The following BICD1 variants were observed in gnomAD, a reference collection of about 807,000 sequenced individuals.
BICD1 encodes the protein BICD cargo adaptor 1, also known as protein bicaudal D homolog 1.
In BICD1, 35 loss-of-function variants were observed where a neutral mutation model predicts 92.5. The ratio of observed to expected loss-of-function variants is 0.38; its 90% confidence interval spans 0.29 to 0.50. The LOEUF is 0.50. BICD1 is among the 20% of genes least tolerant of loss of function. The pLI is 0.93. For missense variants in BICD1, 950 were observed against 1,189.8 expected (o/e 0.80, Z 2.97); for synonymous variants, 429 against 465.1 (o/e 0.92, Z 1.00).
chr12:32,142,563 C>T (rs778193994), intron 1 of BICD1, among the ~76,000 whole-genome samples: 13 of 149,738 alleles, frequency 8.7e-5, no homozygotes, highest in Non-Finnish European at 1.8e-4. Context: ...TTATTTATAG[C>T]ATGATTGTTT....
At chr12:32,340,417 T>C in intron 8 of BICD1, 1 of 985,460 alleles carries the variant, frequency 1.0e-6, no homozygotes, top group East Asian at 1.1e-4. Flanking sequence ...AAAGTGGTAA[T>C]GATTTATCAG....
chr12:32,327,469 G>A lies in BICD1; in HGVS notation c.1014G>A (p.Arg338=). The change falls in exon 5 of 10, where the codon CGG becomes CGA. Residue 338 remains arginine, a synonymous_variant. Transcript: ENST00000652176. The stretch of plus-strand genomic sequence containing the variant: ...TTCTTTTGCCATTGCAGGTAGAGCG[G>A]GAAAAGGCCATTCTTTTGGCCAACC... ...KLKQQLMQVE[R]EKAILLANLQ... 4 of 1,598,796 alleles carry A rather than the reference G, an allele frequency of 2.5e-6. No individual in the cohort carries two copies. The highest frequency in any genetic ancestry group is 3.4e-6 in the Non-Finnish European group (4 of 1,170,476).
chr12:32,201,492 A>G (rs939867289), intron 1 of BICD1, among the ~76,000 whole-genome samples: 1 of 151,996 alleles, frequency 6.6e-6, no homozygotes, highest in Non-Finnish European at 1.5e-5. Flanking sequence ...GAAAGAAAGA[A>G]AGGGGGAGCA....
At chr12:32,376,596 G>A (rs949544813) in intron 9 of BICD1, among the ~76,000 whole-genome samples, 3 of 151,778 alleles carry the variant, frequency 2.0e-5, no homozygotes, top group African/African-American at 4.8e-5. Context: ...GGCTGGGCTC[G>A]GTGGCTCACG....
rs774047311 is a variant in BICD1, at chr12:32,337,784, C to T, written c.2538C>T (p.Asn846=). The change falls in exon 7 of 10, where the codon AAC becomes AAT. Residue 846 remains asparagine, a synonymous_variant. Coordinates refer to ENST00000652176, the MANE Select transcript of BICD1 (RefSeq NM_001714.4). This position sits in a 1 kb window ranked among gnomAD's most constrained non-coding sequence, Gnocchi z 4.7. ...LLHSQGPQTP[N]IRVSSGTQRK... ...ATAGTCAGGGCCCACAGACACCCAACATTCGGGTCAGCAGTGGCACTCAGA... is the reference window on the plus strand; with the variant it reads ...ATAGTCAGGGCCCACAGACACCCAATATTCGGGTCAGCAGTGGCACTCAGA... 1 of 1,614,184 alleles carries T rather than the reference C, an allele frequency of 6.2e-7. No individual in the cohort carries two copies. The highest frequency in any genetic ancestry group is 8.5e-7 in the Non-Finnish European group (1 of 1,180,024).
Position 32,305,805 on chromosome 12 carries a change from C to G in BICD1, c.688C>G (p.Gln230Glu). 6.2e-7 allele frequency: 1 copy of G among 1,614,128 alleles called. No individual in the cohort carries two copies. Among genetic ancestry groups the G allele is most frequent in the Non-Finnish European group, 8.5e-7 (1 of 1,180,030 alleles). The change falls in exon 4 of 10, where the codon CAA becomes GAA. Residue 230 changes from glutamine to glutamate, a missense_variant. Transcript: ENST00000652176. ...AIRLKEIAEH[Q>E]LEEALETLKN... ...CCGATTGAAAGAGATTGCTGAGCAC[C>G]AACTGGAAGAAGCCCTCGAGACTTT...
At chr12:32,305,560 T>G in intron 3 of BICD1, 137 bp from the exon 4 acceptor site, 1 of 681,884 alleles carries the variant, frequency 1.5e-6, no homozygotes, top group South Asian at 2.3e-5. Context: ...TAAGGATATA[T>G]TGTGTGCTTT....
At chr12:32,269,043 G>C (rs1947071307) in intron 2 of BICD1, among the ~76,000 whole-genome samples, 1 of 152,134 alleles carries the variant, frequency 6.6e-6, no homozygotes, top group Non-Finnish European at 1.5e-5. Flanking sequence ...GATGGGACTT[G>C]AGAATTTGCT....
At chr12:32,152,686 A>C (rs1186580762) in intron 1 of BICD1, among the ~76,000 whole-genome samples, 1 of 152,228 alleles carries the variant, frequency 6.6e-6, no homozygotes, top group Non-Finnish European at 1.5e-5. Flanking sequence ...AAACATAGAG[A>C]TTTGAGCAAC....
chr12:32,138,030 C>T (rs1306917625), intron 1 of BICD1, among the ~76,000 whole-genome samples: 6 of 152,278 alleles, frequency 3.9e-5, no homozygotes, highest in East Asian at 1.9e-4. Context: ...GACTCCTGAG[C>T]TTAGGCAATC....
At chr12:32,225,622 T>TTTTTGTTTTTTG (rs1555150867) in intron 2 of BICD1, among the ~76,000 whole-genome samples, 1 of 8,776 alleles carries the variant, frequency 1.1e-4, no homozygotes, top group Non-Finnish European at 2.6e-4. Context: ...TTTTTTTCTG[T>TTTTTGTTTTTTG]TTTTTTTTTT....
At chr12:32,348,723 A>AATATAT (rs11272207) in intron 8 of BICD1, among the ~76,000 whole-genome samples, 70 of 117,880 alleles carry the variant, frequency 5.9e-4, no homozygotes, top group Non-Finnish European at 8.2e-4. Context: ...CTCACACAAA[A>AATATAT]ATATATATAT....
intron 1 of BICD1, among the ~76,000 whole-genome samples, chr12:32,146,325 A>T (rs1277916383): frequency 6.6e-6 from 1 of 152,156 alleles, no homozygotes; most frequent in East Asian, 1.9e-4. Context: ...TGGTGATATC[A>T]TGAGCTCAGA....
chr12:32,288,841 G>C (rs1203080476), intron 2 of BICD1, among the ~76,000 whole-genome samples: 2 of 151,904 alleles, frequency 1.3e-5, no homozygotes, highest in Non-Finnish European at 2.9e-5. Context: ...ACTCCAGCCT[G>C]GGTGACAGAG....
intron 1 of BICD1, among the ~76,000 whole-genome samples, chr12:32,115,582 G>A (rs1016400969): frequency 2.6e-5 from 4 of 152,116 alleles, no homozygotes; most frequent in African/African-American, 4.8e-5. Flanking sequence ...CAGAGTTTGG[G>A]TGACCCTGGG....
intron 4 of BICD1, among the ~76,000 whole-genome samples, chr12:32,310,011 C>T (rs776491324): frequency 1.8e-4 from 28 of 152,126 alleles, no homozygotes; most frequent in Non-Finnish European, 3.7e-4. Context: ...CCGCCTTGTG[C>T]CTCTAATCCA....
intron 9 of BICD1, among the ~76,000 whole-genome samples, chr12:32,375,488 C>A (rs1939918920): frequency 6.6e-6 from 1 of 152,138 alleles, no homozygotes; most frequent in Non-Finnish European, 1.5e-5. Context: ...CGAGATCGTG[C>A]CACTGCACTC....
chr12:32,171,988 C>CACACATATATAT (rs1555141634), intron 1 of BICD1, among the ~76,000 whole-genome samples: 1 of 132,420 alleles, frequency 7.6e-6, no homozygotes, highest in South Asian at 2.4e-4. Context: ...CACACACACA[C>CACACATATATAT]ACTAAAACTG....
intron 1 of BICD1, among the ~76,000 whole-genome samples, chr12:32,201,865 T>C (rs944203057): frequency 1.3e-5 from 2 of 152,208 alleles, no homozygotes; most frequent in African/African-American, 4.8e-5. Context: ...CCTTTAAGTT[T>C]TGCTTCTGAA....
Sources: gnomAD v4.1 joint callset for allele counts (sites outside exome capture counted in the v4.1 genomes callset) on GRCh38, gnomAD v4.1.1 for gene constraint, Gnocchi (gnomAD v3.1) non-coding constraint, MANE v1.5 for transcripts, NCBI Gene and HGNC (gene_info 2026-07-23, HGNC 2026-07-21) for gene names.